The following YAP1 variants were observed in gnomAD, a reference collection of about 807,000 sequenced individuals.
The protein encoded by YAP1 is transcriptional coactivator YAP1.
YAP1 carries 5 observed loss-of-function variants against 56.9 expected under a neutral mutation model. That is an observed-to-expected ratio of 0.09 (90% CI 0.05 to 0.18). The LOEUF is 0.18. Among genes scored for constraint, YAP1 ranks in the 10% least tolerant of loss-of-function variants. The probability of loss-of-function intolerance (pLI) is 1.00; values close to 1 mark genes in which losing one functional copy is unlikely to be tolerated. For missense variants in YAP1, 539 were observed against 651.8 expected (o/e 0.83, Z 1.88); for synonymous variants, 265 against 248.1 (o/e 1.07, Z -0.64).
chr11:102,144,879 T>TA (rs1565455039), intron 2 of YAP1, among the ~76,000 whole-genome samples: 1 of 35,748 alleles, frequency 2.8e-5, no homozygotes, highest in East Asian at 1.1e-3. Flanking sequence ...CACACACACA[T>TA]ACACACACTC....
rs78055141 is a variant in YAP1, at chr11:102,200,053, A to G, written c.803-5840A>G. 6.9e-3 allele frequency among the ~76,000 whole-genome samples: 1,056 copies of G among 152,386 alleles called. 15 individuals carry two copies. Among genetic ancestry groups the G allele is most frequent in the African/African-American group, 0.024 (1,009 of 41,602 alleles). ...CATACTACTAAAGTTGTACTTTTGT[A>G]CATATTGTACATACTAAATAATGTT... is the stretch of plus-strand genomic sequence containing the variant. On this transcript the variant is annotated intron_variant, in intron 4 of 8. Transcript: ENST00000282441.
At chr11:102,181,831 T>A (rs1055539046) in intron 3 of YAP1, among the ~76,000 whole-genome samples, 1 of 152,202 alleles carries the variant, frequency 6.6e-6, no homozygotes, top group African/African-American at 2.4e-5. Flanking sequence ...GTTTTTGTTG[T>A]TGTTTTTTGA....
intron 1 of YAP1, 100 bp downstream of exon 1, chr11:102,111,269 G>T: frequency 2.1e-6 from 3 of 1,443,380 alleles, no homozygotes; most frequent in Non-Finnish European, 1.9e-6. Context: ...GGGGAGGGGG[G>T]TTGCGGGAAC....
At chr11:102,150,869 T>C (rs1945606391) in intron 2 of YAP1, among the ~76,000 whole-genome samples, 1 of 141,052 alleles carries the variant, frequency 7.1e-6, no homozygotes, top group African/African-American at 2.5e-5. Context: ...GGCATAATCT[T>C]GGCTCACTGC....
At chr11:102,174,693 C>T (rs1487472156) in intron 3 of YAP1, among the ~76,000 whole-genome samples, 1 of 152,126 alleles carries the variant, frequency 6.6e-6, no homozygotes, top group Non-Finnish European at 1.5e-5. Context: ...ATCATGTCAG[C>T]TCAGCAAACT....
At chr11:102,115,058 TG>T (rs1943195823) in intron 2 of YAP1, among the ~76,000 whole-genome samples, 1 of 152,186 alleles carries the variant, frequency 6.6e-6, no homozygotes, top group Admixed American at 6.5e-5. Flanking sequence ...ACATGACCGT[TG>T]GGTTGTTTAT....
chr11:102,132,780 CTT>C (rs1173573230), intron 2 of YAP1, among the ~76,000 whole-genome samples: 2 of 152,216 alleles, frequency 1.3e-5, no homozygotes, highest in Non-Finnish European at 2.9e-5. Flanking sequence ...ATTGGTTACT[CTT>C]GTTTCAGTTA....
chr11:102,181,909 C>G (rs1947648294), intron 3 of YAP1, among the ~76,000 whole-genome samples: 2 of 152,240 alleles, frequency 1.3e-5, no homozygotes, highest in Admixed American at 1.3e-4. Flanking sequence ...CAACCTCCAC[C>G]TCCCAGATTC....
chr11:102,210,688 G>A (rs933174205), intron 6 of YAP1, among the ~76,000 whole-genome samples: 24 of 152,206 alleles, frequency 1.6e-4, no homozygotes, highest in East Asian at 9.7e-4. Context: ...TCTTTATAAC[G>A]TGAAGCCATT....
intron 2 of YAP1, among the ~76,000 whole-genome samples, chr11:102,135,455 T>A (rs965500197): frequency 6.6e-6 from 1 of 152,230 alleles, no homozygotes; most frequent in African/African-American, 2.4e-5. Flanking sequence ...AGGTCTTGCT[T>A]GCACTTTGAT....
chr11:102,229,729 C>A lies in YAP1; in HGVS notation c.1304C>A (p.Pro435His), dbSNP rs1211704584. 1 of 1,614,114 alleles carries A rather than the reference C, an allele frequency of 6.2e-7. No individual in the cohort carries two copies. Among genetic ancestry groups the A allele is most frequent in the East Asian group, 2.2e-5 (1 of 44,876 alleles). Residue 435 changes from proline to histidine, a missense_variant, in exon 9 of 9, where the codon CCC becomes CAC. By Grantham distance (77) the Pro-to-His change is moderately conservative. This residue lies in a region of YAP1 where 414 missense variants were observed against 512.4 expected (regional missense o/e 0.81). Transcript: ENST00000282441. ...TGDTINQSTL[P>H]SQQNRFPDYL... ...GATACTATCAACCAAAGCACCCTGC[C>A]CTCACAGCAGAACCGTTTCCCAGAC...
At chr11:102,133,865 A>G (rs1457682666) in intron 2 of YAP1, among the ~76,000 whole-genome samples, 1 of 152,178 alleles carries the variant, frequency 6.6e-6, no homozygotes, top group East Asian at 1.9e-4. Flanking sequence ...TTGGCATGGT[A>G]GATTTCATCC....
At chr11:102,111,304 G>A in intron 1 of YAP1, 135 bp downstream of exon 1, 3 of 970,780 alleles carry the variant, frequency 3.1e-6, no homozygotes, top group Non-Finnish European at 4.3e-6. Flanking sequence ...GGGTCCCGAG[G>A]CGAAGTGGAA....
intron 2 of YAP1, among the ~76,000 whole-genome samples, chr11:102,132,178 A>C (rs1338177311): frequency 6.6e-6 from 1 of 152,160 alleles, no homozygotes; most frequent in African/African-American, 2.4e-5. Context: ...GCTGAGAGAA[A>C]AGTCATGAGG....
chr11:102,182,311 A>C (rs1354071436), intron 3 of YAP1, among the ~76,000 whole-genome samples: 2 of 152,174 alleles, frequency 1.3e-5, no homozygotes, highest in Non-Finnish European at 2.9e-5. Context: ...AGGCATCCTA[A>C]ATTGATTTTG....
intron 2 of YAP1, among the ~76,000 whole-genome samples, chr11:102,118,357 A>T (rs545172803): frequency 1.6e-4 from 25 of 152,244 alleles, no homozygotes; most frequent in African/African-American, 5.5e-4. Flanking sequence ...TATGTTTTTC[A>T]GAGATTTTTG....
Position 102,186,143 on chromosome 11 carries a change from T to G in YAP1, c.802+12T>G. The stretch of plus-strand genomic sequence containing the variant: ...TGACCCTCGTTTTGGTAAAGGTTCA[T>G]CTCAAAACCTTTTTAGATGCTTTTG... On this transcript the variant is annotated intron_variant, in intron 4 of 8. Coordinates refer to ENST00000282441, the MANE Select transcript of YAP1 (RefSeq NM_001130145.3). The G allele has an allele frequency of 6.2e-7, 1 of 1,608,628 alleles. No homozygotes were observed. The highest frequency in any genetic ancestry group is 1.3e-5 in the African/African-American group (1 of 74,660).
At chr11:102,176,142 C>T (rs1591322561) in intron 3 of YAP1, among the ~76,000 whole-genome samples, 1 of 152,178 alleles carries the variant, frequency 6.6e-6, no homozygotes. Flanking sequence ...ACCAAAGTAT[C>T]ACAAACTACT....
intron 3 of YAP1, among the ~76,000 whole-genome samples, chr11:102,183,215 A>G (rs1377590798): frequency 6.6e-6 from 1 of 152,202 alleles, no homozygotes; most frequent in East Asian, 1.9e-4. Context: ...CTAAGAGTTT[A>G]GGAGGTAGGG....
Sources: gnomAD v4.1 joint callset for allele counts (sites outside exome capture counted in the v4.1 genomes callset) on GRCh38, gnomAD v4.1.1 for gene constraint, gnomAD v4.1.1 regional missense constraint, MANE v1.5 for transcripts, NCBI Gene and HGNC (gene_info 2026-07-23, HGNC 2026-07-21) for gene names.